Variants in NAV3 observed in about 807,000 individuals in gnomAD.
NAV3 encodes neuron navigator 3, also known as pore membrane and/or filament interacting like protein 1.
Under a neutral mutation model 244.7 loss-of-function variants are expected in NAV3, and 87 were observed. The ratio of observed to expected loss-of-function variants is 0.36; its 90% CI spans 0.30 to 0.42. The LOEUF (loss-of-function observed/expected upper bound fraction) is 0.42. Among genes scored for constraint, NAV3 ranks in the 20% least tolerant of loss-of-function variants. NAV3 has a pLI of 1.00. For missense variants in NAV3, 2,663 were observed against 2,893.3 expected (o/e 0.92, Z 1.83); for synonymous variants, 1,126 against 1,042.2 (o/e 1.08, Z -1.55).
chr12:77,650,637 T>A (rs1463758043), intron 2 of NAV3, among the ~76,000 whole-genome samples: 2 of 152,190 alleles, frequency 1.3e-5, no homozygotes, highest in Non-Finnish European at 2.9e-5. Context: ...TTAGTGTGGT[T>A]TATTACTTCA....
chr12:77,758,302 A>G (rs1869288060), intron 2 of NAV3, among the ~76,000 whole-genome samples: 1 of 152,118 alleles, frequency 6.6e-6, no homozygotes, highest in Non-Finnish European at 1.5e-5. Flanking sequence ...TCTTCCCTCT[A>G]GAATTTAAAC....
At chr12:78,012,785 A>T (rs1003529169) in intron 8 of NAV3, among the ~76,000 whole-genome samples, 2 of 152,098 alleles carry the variant, frequency 1.3e-5, no homozygotes, top group Admixed American at 6.6e-5. Flanking sequence ...TTCTTTACAC[A>T]GTTTATTACT....
chr12:78,093,633 A>C (rs916849171), intron 12 of NAV3, among the ~76,000 whole-genome samples: 1 of 152,064 alleles, frequency 6.6e-6, no homozygotes, highest in African/African-American at 2.4e-5. Context: ...AGACAAAGAC[A>C]CTCTGGGGGA....
intron 2 of NAV3, among the ~76,000 whole-genome samples, chr12:77,768,344 G>T (rs972753185): frequency 6.6e-6 from 1 of 152,198 alleles, no homozygotes; most frequent in Non-Finnish European, 1.5e-5. Context: ...CTGCCCAGGA[G>T]CCTGTCTGCC....
intron 1 of NAV3, among the ~76,000 whole-genome samples, chr12:77,929,796 C>CTTTTTTTTTTT (rs1406428622): frequency 9.3e-6 from 1 of 107,054 alleles, no homozygotes; most frequent in East Asian, 2.9e-4. Flanking sequence ...CCACGGCCAG[C>CTTTTTTTTTTT]TATTTTTTTT....
intron 9 of NAV3, 40 bp from the exon 10 acceptor site, chr12:78,049,952 TA>T (rs2137223344): frequency 1.4e-6 from 2 of 1,425,264 alleles, no homozygotes; most frequent in Non-Finnish European, 2.0e-6. Flanking sequence ...TTGAGGATAC[TA>T]AATGTCATGA....
chr12:78,174,356 C>T (rs544507582), intron 24 of NAV3, among the ~76,000 whole-genome samples: 2 of 151,954 alleles, frequency 1.3e-5, no homozygotes, highest in South Asian at 4.1e-4. Context: ...TAAAGAAGCA[C>T]TGCCTGCTCT....
chr12:78,175,539 C>A, intron 25 of NAV3, 112 bp downstream of exon 25: 1 of 1,325,924 alleles, frequency 7.5e-7, no homozygotes, highest in Non-Finnish European at 1.0e-6. Context: ...CCCATTCAAG[C>A]TACTGAGACC....
At chr12:77,782,496 A>C (rs1348895374) in intron 2 of NAV3, among the ~76,000 whole-genome samples, 1 of 152,230 alleles carries the variant, frequency 6.6e-6, no homozygotes, top group Non-Finnish European at 1.5e-5. Context: ...TTGCTTCATG[A>C]ATTAATGCTT....
Position 77,657,358 on chromosome 12 carries a change from A to G in NAV3, c.72+85092A>G, listed in dbSNP as rs984518832. ...ACACAAATAAGCTAGAAAATCTAGAAGAAATGGATAAATTCCTCGACACAT... is the reference window on the plus strand; with the variant it reads ...ACACAAATAAGCTAGAAAATCTAGAGGAAATGGATAAATTCCTCGACACAT... On this transcript the variant is annotated intron_variant, in intron 2 of 8. Coordinates refer to the NAV3 transcript ENST00000550042. Among the ~76,000 whole-genome samples the G allele has an allele frequency of 3.9e-5, 6 of 152,232 alleles. No individual in the cohort carries two copies. The East Asian group carries it at 7.7e-4, about 20-fold the overall frequency.
At chr12:77,647,087 C>T (rs1014003339) in intron 2 of NAV3, among the ~76,000 whole-genome samples, 5 of 151,576 alleles carry the variant, frequency 3.3e-5, no homozygotes, top group East Asian at 1.9e-4. Context: ...CACACACACA[C>T]GTATATGTAC....
chr12:78,174,215 A>G (rs2139630244), intron 24 of NAV3, among the ~76,000 whole-genome samples: 1 of 151,942 alleles, frequency 6.6e-6, no homozygotes, highest in Non-Finnish European at 1.5e-5. Flanking sequence ...ATACTAGTGC[A>G]TTTTAGGTAG....
At chr12:78,170,821 C>A (rs981528951) in intron 24 of NAV3, among the ~76,000 whole-genome samples, 2 of 151,688 alleles carry the variant, frequency 1.3e-5, no homozygotes, top group African/African-American at 4.8e-5. Context: ...CAGCAGTGAA[C>A]CTAAATATGT....
At chr12:78,045,068 G>A (rs1881533466) in intron 9 of NAV3, among the ~76,000 whole-genome samples, 1 of 152,098 alleles carries the variant, frequency 6.6e-6, no homozygotes, top group South Asian at 2.1e-4. Flanking sequence ...CTGTGTGTCT[G>A]TCATAAATAG....
chr12:77,611,632 A>T (rs1374568680), intron 2 of NAV3, among the ~76,000 whole-genome samples: 1 of 151,950 alleles, frequency 6.6e-6, no homozygotes, highest in African/African-American at 2.4e-5. Flanking sequence ...TGTATCCTTA[A>T]ATAATTATAA....
chr12:78,062,557 G>T (rs1300110274), intron 12 of NAV3, among the ~76,000 whole-genome samples: 1 of 152,026 alleles, frequency 6.6e-6, no homozygotes, highest in African/African-American at 2.4e-5. Context: ...TTAATTCAGT[G>T]CTCCATGAGC....
intron 5 of NAV3, among the ~76,000 whole-genome samples, chr12:77,991,292 G>C (rs1484786239): frequency 6.6e-6 from 1 of 152,144 alleles, no homozygotes; most frequent in African/African-American, 2.4e-5. Flanking sequence ...CCAAAGTGCT[G>C]TGATTACCGA....
intron 1 of NAV3, among the ~76,000 whole-genome samples, chr12:77,892,977 C>T (rs539246212): frequency 6.6e-4 from 100 of 152,148 alleles, no homozygotes; most frequent in African/African-American, 2.3e-3. Context: ...CTATAAATTA[C>T]GAGTTTCATG....
At position 78,103,540 on chromosome 12, in the gene NAV3, C is replaced by T. The variant is rs192010110; in HGVS notation, c.2637-13232C>T. ...TTTGGATATCTTTTCAGCAATGCCC[C>T]GCTCTACTGGTACCAACTTACTTTG... On this transcript the variant is annotated intron_variant, in intron 12 of 39. Coordinates refer to ENST00000397909, the MANE Select transcript of NAV3 (RefSeq NM_001024383.2). 2.5e-4 allele frequency among the ~76,000 whole-genome samples: 38 copies of T among 152,276 alleles called. No homozygotes were observed. The East Asian group carries it at 5.6e-3, about 22-fold the overall frequency.
Sources: gnomAD v4.1 joint callset for allele counts (sites outside exome capture counted in the v4.1 genomes callset) on GRCh38, gnomAD v4.1.1 for gene constraint, MANE v1.5 for transcripts, NCBI Gene and HGNC (gene_info 2026-07-23, HGNC 2026-07-21) for gene names.